ADAMTS16: variants seen among roughly 807,000 people sequenced by gnomAD.
ADAMTS16 encodes A disintegrin and metalloproteinase with thrombospondin motifs 16.
Under a neutral mutation model 145.8 loss-of-function variants are expected in ADAMTS16, and 94 were observed. That is an observed-to-expected ratio of 0.64 (90% CI 0.55 to 0.77). ADAMTS16 has a LOEUF of 0.77. Among genes scored for constraint, ADAMTS16 ranks in the 30% least tolerant of loss-of-function variants. The pLI, the probability that ADAMTS16 is intolerant of heterozygous loss-of-function variation, is 0.00. For missense variants in ADAMTS16, 1,585 were observed against 1,591.5 expected, an observed-to-expected ratio of 1.00 and a Z score of 0.07; for synonymous variants, 659 against 604.3, an observed-to-expected ratio of 1.09 and a Z score of -1.33.
chr5:5,148,938 G>A (rs566202776), intron 3 of ADAMTS16, among the ~76,000 whole-genome samples: 1 of 152,190 alleles, frequency 6.6e-6, no homozygotes, highest in East Asian at 1.9e-4. Context: ...GAGTGTCAGG[G>A]TAGGATTTTA....
intron 3 of ADAMTS16, among the ~76,000 whole-genome samples, chr5:5,170,035 C>T (rs1253560642): frequency 6.6e-6 from 1 of 152,140 alleles, no homozygotes; most frequent in African/African-American, 2.4e-5. Flanking sequence ...GCAGATATCT[C>T]TTCGATTTTC....
intron 3 of ADAMTS16, among the ~76,000 whole-genome samples, chr5:5,175,042 CT>C (rs1735149065): frequency 6.6e-6 from 1 of 152,196 alleles, no homozygotes; most frequent in African/African-American, 2.4e-5. Context: ...ATCCCCATTA[CT>C]TTTCCTCCTA....
rs1462903466 is a variant in ADAMTS16, at chr5:5,239,807, C to T, written c.2405C>T (p.Thr802Ile). ...LRRYYLNGHW[T>I]VDWPGRYKFS... ...AGGTACTACCTGAATGGGCACTGGACCGTGGACTGGCCCGGCCGGTACAAA... is the reference window on the plus strand; with the variant it reads ...AGGTACTACCTGAATGGGCACTGGATCGTGGACTGGCCCGGCCGGTACAAA... The change falls in exon 16 of 23, where the codon ACC (threonine) becomes ATC (isoleucine). Residue 802 changes from threonine (T) to isoleucine (I), a missense_variant. Transcript: ENST00000274181. The T allele has an allele frequency of 3.1e-6, 5 of 1,614,096 alleles. No individual in the cohort carries two copies. Among genetic ancestry groups the T allele is most frequent in the Middle Eastern group, 1.7e-4 (1 of 6,060 alleles).
At chr5:5,260,351 G>A in intron 17 of ADAMTS16, among the ~76,000 whole-genome samples, 1 of 152,224 alleles carries the variant, frequency 6.6e-6, no homozygotes, top group Middle Eastern at 3.4e-3. Flanking sequence ...TTCTTCAAGA[G>A]GCTCAATATG....
intron 18 of ADAMTS16, among the ~76,000 whole-genome samples, chr5:5,302,777 T>A (rs1739838495): frequency 6.6e-6 from 1 of 152,184 alleles, no homozygotes; most frequent in African/African-American, 2.4e-5. Flanking sequence ...ATGCTCTAGA[T>A]GTTATGGTGA....
chr5:5,242,244 T>G, intron 17 of ADAMTS16, 53 bp downstream of exon 17: 1 of 1,598,902 alleles, frequency 6.3e-7, no homozygotes, highest in South Asian at 1.1e-5. Context: ...CTTCAGCCAC[T>G]GCGTACATTG....
chr5:5,261,731 G>T (rs968715624), intron 17 of ADAMTS16, among the ~76,000 whole-genome samples: 4 of 152,074 alleles, frequency 2.6e-5, no homozygotes. Flanking sequence ...TGATCCACCC[G>T]CCTCGGCCGC....
chr5:5,232,034 T>A (rs1251998573), intron 11 of ADAMTS16, among the ~76,000 whole-genome samples: 1 of 152,158 alleles, frequency 6.6e-6, no homozygotes, highest in Non-Finnish European at 1.5e-5. Context: ...AGGTCAGAGT[T>A]CACCGACTTG....
intron 21 of ADAMTS16, among the ~76,000 whole-genome samples, chr5:5,309,152 T>C (rs1740310472): frequency 6.6e-6 from 1 of 152,080 alleles, no homozygotes; most frequent in African/African-American, 2.4e-5. Flanking sequence ...GATACCAAAA[T>C]CTGAGGATGC....
At chr5:5,178,264 C>A (rs575505096) in intron 3 of ADAMTS16, among the ~76,000 whole-genome samples, 160 of 152,292 alleles carry the variant, frequency 1.1e-3, no homozygotes, top group African/African-American at 3.8e-3. Context: ...ATGAGAAAGG[C>A]AGACCCTGTG....
intron 3 of ADAMTS16, among the ~76,000 whole-genome samples, chr5:5,175,671 C>T (rs758624751): frequency 5.3e-5 from 8 of 152,224 alleles, no homozygotes; most frequent in Non-Finnish European, 1.0e-4. Flanking sequence ...CTTACTGGAT[C>T]TCAGGTTCTG....
At chr5:5,295,922 T>C (rs1373954344) in intron 18 of ADAMTS16, among the ~76,000 whole-genome samples, 2 of 152,224 alleles carry the variant, frequency 1.3e-5, no homozygotes, top group African/African-American at 4.8e-5. Context: ...CATTACAACC[T>C]TCTATGTCCA....
Position 5,170,237 on chromosome 5 carries a change from A to G in ADAMTS16, c.502-11807A>G, listed in dbSNP as rs374157539. On this transcript the variant is annotated intron_variant, in intron 3 of 22. Transcript: ENST00000274181. ...GTTGCCTGTTCTTCAGGTAAGAGCC[A>G]TTTTACTGAAGTGAGATAATATCAC... Among the ~76,000 whole-genome samples the G allele has an allele frequency of 2.6e-5, 4 of 152,188 alleles. No homozygotes were observed. The East Asian group carries it at 5.8e-4, about 22-fold the overall frequency.
At chr5:5,153,376 C>A (rs183058476) in intron 3 of ADAMTS16, among the ~76,000 whole-genome samples, 1 of 151,280 alleles carries the variant, frequency 6.6e-6, no homozygotes, top group African/African-American at 2.4e-5. Flanking sequence ...TCCCAAAGTT[C>A]TTGTTAAACA....
chr5:5,147,932 A>G (rs1339994317), intron 3 of ADAMTS16, among the ~76,000 whole-genome samples: 2 of 152,188 alleles, frequency 1.3e-5, no homozygotes, highest in Non-Finnish European at 2.9e-5. Flanking sequence ...TCCCTGAGCC[A>G]GGGAGGCTGA....
At chr5:5,249,784 C>T (rs183798508) in intron 17 of ADAMTS16, among the ~76,000 whole-genome samples, 8 of 152,266 alleles carry the variant, frequency 5.3e-5, no homozygotes, top group Non-Finnish European at 8.8e-5. Flanking sequence ...TCTTGGTACC[C>T]GAGTTCTTGT....
intron 21 of ADAMTS16, among the ~76,000 whole-genome samples, chr5:5,316,624 C>T (rs1047183313): frequency 1.3e-5 from 2 of 152,166 alleles, no homozygotes; most frequent in African/African-American, 4.8e-5. Context: ...ACTGAGCTCA[C>T]TCCCTTCCTT....
At chr5:5,190,202 A>C in intron 7 of ADAMTS16, 72 bp downstream of exon 7, 1 of 1,457,396 alleles carries the variant, frequency 6.9e-7, no homozygotes, top group Admixed American at 2.6e-5. Flanking sequence ...AGTGTTGAGT[A>C]TTTTTGCCCT....
intron 10 of ADAMTS16, among the ~76,000 whole-genome samples, chr5:5,216,733 T>C (rs1736450845): frequency 6.8e-6 from 1 of 146,376 alleles, no homozygotes; most frequent in Non-Finnish European, 1.5e-5. Flanking sequence ...ATTAGGTATA[T>C]CTCCCGATGC....
Sources: gnomAD v4.1 joint callset for allele counts (sites outside exome capture counted in the v4.1 genomes callset) on GRCh38, gnomAD v4.1.1 for gene constraint, MANE v1.5 for transcripts, NCBI Gene and HGNC (gene_info 2026-07-23, HGNC 2026-07-21) for gene names.